The following SPAG16 variants were observed in gnomAD, a reference collection of about 807,000 sequenced individuals.
SPAG16 encodes the protein sperm associated antigen 16.
Under a neutral mutation model 80.4 loss-of-function variants are expected in SPAG16, and 86 were observed. That is an observed-to-expected ratio of 1.07 (90% confidence interval 0.90 to 1.28). The LOEUF (loss-of-function observed/expected upper bound fraction) is 1.28, where lower values mean the gene tolerates loss of function less well. Among genes scored for constraint, SPAG16 ranks in the 50% most tolerant of loss-of-function variants. SPAG16 has a pLI of 0.00. For synonymous variants in SPAG16, 294 were observed against 265.9 expected (o/e 1.11, Z -1.03); for missense variants, 870 against 765.3 (o/e 1.14, Z -1.61).
At chr2:214,015,446 A>G (rs2047540972) in intron 13 of SPAG16, among the ~76,000 whole-genome samples, 1 of 152,028 alleles carries the variant, frequency 6.6e-6, no homozygotes, top group African/African-American at 2.4e-5. Context: ...TGAAAATACA[A>G]AATTGGCTGG....
At chr2:213,645,025 C>A (rs1289323483) in intron 10 of SPAG16, among the ~76,000 whole-genome samples, 1 of 152,180 alleles carries the variant, frequency 6.6e-6, no homozygotes, top group African/African-American at 2.4e-5. Flanking sequence ...TAGACGTCTG[C>A]CTGGTATTGT....
Position 213,795,889 on chromosome 2 carries a change from G to T in SPAG16, c.1071-66596G>T, listed in dbSNP as rs186044110. ...CAGAAGCCACTATGCTTTCTGTACAGCCTGCAGAACCATGAGCCAGATAGC... is the reference window on the plus strand; with the variant it reads ...CAGAAGCCACTATGCTTTCTGTACATCCTGCAGAACCATGAGCCAGATAGC... On this transcript the variant is annotated intron_variant, in intron 10 of 15. Coordinates refer to ENST00000331683, the MANE Select transcript of SPAG16 (RefSeq NM_024532.5). Among the ~76,000 whole-genome samples, 524 of 152,288 alleles carry T rather than the reference G, an allele frequency of 3.4e-3. 5 individuals carry two copies. The highest frequency in any genetic ancestry group is 7.1e-3 in the Admixed American group (108 of 15,286).
chr2:213,802,534 A>G (rs1232317598), intron 10 of SPAG16, among the ~76,000 whole-genome samples: 1 of 152,152 alleles, frequency 6.6e-6, no homozygotes, highest in African/African-American at 2.4e-5. Context: ...TTCCAGAGAC[A>G]ATGTGAGAAA....
chr2:213,663,198 T>C (rs2063486039), intron 10 of SPAG16, among the ~76,000 whole-genome samples: 1 of 152,022 alleles, frequency 6.6e-6, no homozygotes, highest in South Asian at 2.1e-4. Flanking sequence ...CATGATGAAA[T>C]AGGAAAATAA....
chr2:213,915,150 T>C (rs2077893988), intron 11 of SPAG16, among the ~76,000 whole-genome samples: 1 of 151,954 alleles, frequency 6.6e-6, no homozygotes, highest in Non-Finnish European at 1.5e-5. Context: ...TTAATTATAC[T>C]TTAATTTCTG....
intron 9 of SPAG16, among the ~76,000 whole-genome samples, chr2:213,378,460 A>G (rs527445525): frequency 2.6e-5 from 4 of 152,368 alleles, no homozygotes; most frequent in African/African-American, 9.6e-5. Context: ...ACAACCAGAA[A>G]TGCATCAGTC....
chr2:213,995,251 A>G (rs1406602383), intron 12 of SPAG16, among the ~76,000 whole-genome samples: 1 of 152,154 alleles, frequency 6.6e-6, no homozygotes, highest in Non-Finnish European at 1.5e-5. Flanking sequence ...ATCATGGACT[A>G]TCTGCAGGTG....
At chr2:214,148,431 TGTTTTC>T (rs2055771253) in intron 14 of SPAG16, among the ~76,000 whole-genome samples, 1 of 152,126 alleles carries the variant, frequency 6.6e-6, no homozygotes, top group Non-Finnish European at 1.5e-5. Context: ...CCCTTCCTTC[TGTTTTC>T]CTTCCCCTTT....
chr2:213,493,801 T>C (rs570930531), intron 10 of SPAG16, among the ~76,000 whole-genome samples: 1 of 152,172 alleles, frequency 6.6e-6, no homozygotes, highest in South Asian at 2.1e-4. Flanking sequence ...TTTAAAAATT[T>C]TTTTTTCTTA....
At chr2:213,374,712 A>G (rs1002409530) in intron 8 of SPAG16, among the ~76,000 whole-genome samples, 3 of 151,950 alleles carry the variant, frequency 2.0e-5, no homozygotes, top group Admixed American at 1.3e-4. Flanking sequence ...ACCATCTTTA[A>G]CTCTGTTTAT....
intron 9 of SPAG16, among the ~76,000 whole-genome samples, chr2:213,461,886 A>ATGTATG (rs963346667): frequency 4.6e-5 from 7 of 152,038 alleles, no homozygotes; most frequent in Admixed American, 6.5e-5. Flanking sequence ...AGGGACATGG[A>ATGTATG]TGTATGTGTA....
chr2:213,913,773 C>T (rs2077816705), intron 11 of SPAG16, among the ~76,000 whole-genome samples: 1 of 152,034 alleles, frequency 6.6e-6, no homozygotes, highest in African/African-American at 2.4e-5. Context: ...CTCTCTTTGG[C>T]TCACATGATT....
chr2:214,278,234 G>A (rs1371798170), intron 15 of SPAG16, among the ~76,000 whole-genome samples: 1 of 152,132 alleles, frequency 6.6e-6, no homozygotes, highest in East Asian at 1.9e-4. Flanking sequence ...GGCTTACCTT[G>A]GCTAGGAAAG....
At chr2:213,342,273 TTACA>T (rs1008557843) in intron 6 of SPAG16, among the ~76,000 whole-genome samples, 14 of 149,384 alleles carry the variant, frequency 9.4e-5, no homozygotes, top group South Asian at 2.1e-4. Context: ...TGTATATATA[TTACA>T]TACATATGTA....
At chr2:213,536,305 G>T (rs190020967) in intron 10 of SPAG16, among the ~76,000 whole-genome samples, 4 of 152,054 alleles carry the variant, frequency 2.6e-5, no homozygotes, top group Non-Finnish European at 1.5e-5. Context: ...ACTTAAAATT[G>T]CTTAAAAATC....
At chr2:214,277,555 G>A (rs1405547841) in intron 15 of SPAG16, among the ~76,000 whole-genome samples, 2 of 152,190 alleles carry the variant, frequency 1.3e-5, no homozygotes, top group East Asian at 3.9e-4. Flanking sequence ...CTCAGCTGCA[G>A]GTCTGTTGGA....
intron 1 of SPAG16, among the ~76,000 whole-genome samples, chr2:213,292,984 G>A (rs1209137750): frequency 6.6e-6 from 1 of 152,152 alleles, no homozygotes; most frequent in African/African-American, 2.4e-5. Context: ...GATATGGTTT[G>A]GCTCTGTGTC....
chr2:213,621,867 C>T (rs1447975145), intron 10 of SPAG16, among the ~76,000 whole-genome samples: 1 of 152,042 alleles, frequency 6.6e-6, no homozygotes, highest in Non-Finnish European at 1.5e-5. Flanking sequence ...GCTCCCAAAC[C>T]CTAACCTTCT....
intron 9 of SPAG16, among the ~76,000 whole-genome samples, chr2:213,432,088 A>C (rs966608177): frequency 1.3e-5 from 2 of 152,150 alleles, no homozygotes; most frequent in Non-Finnish European, 2.9e-5. Flanking sequence ...GGGATACAGC[A>C]AAAGCAGTGC....
Sources: gnomAD v4.1 joint callset for allele counts (sites outside exome capture counted in the v4.1 genomes callset) on GRCh38, gnomAD v4.1.1 for gene constraint, MANE v1.5 for transcripts, NCBI Gene and HGNC (gene_info 2026-07-23, HGNC 2026-07-21) for gene names.